The following PRSS8 variants were observed in gnomAD, a reference collection of about 807,000 sequenced individuals.
The protein encoded by PRSS8 is serine protease 8.
In PRSS8, 11 loss-of-function variants were observed where a neutral mutation model predicts 26.7. The ratio of observed to expected loss-of-function variants is 0.41; its 90% CI spans 0.26 to 0.68. The LOEUF (loss-of-function observed/expected upper bound fraction) is 0.68. Among genes scored for constraint, PRSS8 ranks in the 30% least tolerant of loss-of-function variants. PRSS8 has a pLI of 0.30. For synonymous variants in PRSS8, 183 were observed against 187.0 expected (o/e 0.98, Z 0.17); for missense variants, 362 against 443.5 (o/e 0.82, Z 1.65).
chr16:31,135,317 G>A, intron 1 of PRSS8, 97 bp downstream of exon 1: 3 of 1,576,504 alleles, frequency 1.9e-6, no homozygotes, highest in Non-Finnish European at 2.6e-6. Context: ...GAGGCCGGGG[G>A]TTTTCTTGGG....
In PRSS8 at chr16:31,133,393, C is replaced by G; in HGVS notation, c.104-5G>C. On this transcript the variant is annotated splice_region_variant and splice_polypyrimidine_tract_variant and intron_variant, in intron 2 of 5. Transcript: ENST00000317508. This position sits in a 1 kb window ranked among gnomAD's most constrained non-coding sequence, Gnocchi z 4.7. ...GGGGGGCCACACCGCAGGGAGCTGC[C>G]CAGGGAGGAAGGGAAGGGGTCAGGT... 1 of 1,613,604 alleles carries G rather than the reference C, an allele frequency of 6.2e-7. No homozygotes were observed. Among genetic ancestry groups the G allele is most frequent in the Non-Finnish European group, 8.5e-7 (1 of 1,179,856 alleles).
In PRSS8 at chr16:31,133,396, G is replaced by C; in HGVS notation, c.104-8C>G. On this transcript the variant is annotated splice_region_variant and splice_polypyrimidine_tract_variant and intron_variant, in intron 2 of 5. Coordinates refer to ENST00000317508, the MANE Select transcript of PRSS8 (RefSeq NM_002773.5). The surrounding 1 kb of genome is among the most constrained non-coding windows in gnomAD (Gnocchi z 4.7). ...GGGCCACACCGCAGGGAGCTGCCCAGGGAGGAAGGGAAGGGGTCAGGTTGT... is the reference window on the plus strand; with the variant it reads ...GGGCCACACCGCAGGGAGCTGCCCACGGAGGAAGGGAAGGGGTCAGGTTGT... 6.8e-6 allele frequency: 11 copies of C among 1,613,460 alleles called. No individual in the cohort carries two copies. Among genetic ancestry groups the C allele is most frequent in the Non-Finnish European group, 9.3e-6 (11 of 1,179,830 alleles).
rs1401274656 is a variant in PRSS8 at position 31,132,662 on chromosome 16, C to T, written c.538+20G>A. The T allele has an allele frequency of 3.7e-6, 6 of 1,613,454 alleles. No individual in the cohort carries two copies. The highest frequency in any genetic ancestry group is 1.3e-5 in the African/African-American group (1 of 74,924). On this transcript the variant is annotated intron_variant, in intron 4 of 5. Coordinates refer to ENST00000317508, the MANE Select transcript of PRSS8 (RefSeq NM_002773.5). The surrounding 1 kb of genome is among the most constrained non-coding windows in gnomAD (Gnocchi z 5.2). ...TCAGGTGCCCCTCCACACCTCTAGG[C>T]ACCCAGCGTCCCACCTCACCTGAGG...
chr16:31,131,930 C>T lies in PRSS8; in HGVS notation c.*79G>A, dbSNP rs2057582147. On this transcript the variant is annotated 3_prime_UTR_variant, in exon 6 of 6. Coordinates refer to ENST00000317508, the MANE Select transcript of PRSS8 (RefSeq NM_002773.5). ...AAGGAAGGAGTGGCTCAAGTCAGGCCCTGGGTCCAAAGGCCATCAGGGAAG... is the reference window on the plus strand; with the variant it reads ...AAGGAAGGAGTGGCTCAAGTCAGGCTCTGGGTCCAAAGGCCATCAGGGAAG... 7.0e-7 allele frequency: 1 copy of T among 1,421,138 alleles called. No individual in the cohort carries two copies. 88.0% of individuals were successfully genotyped at this position (1,421,138 alleles called of 1,614,324 possible).
In PRSS8 at chr16:31,132,992, C is replaced by G. The variant is rs2057589420; in HGVS notation, c.267-39G>C. 1.3e-6 allele frequency: 2 copies of G among 1,586,258 alleles called. No individual in the cohort carries two copies. The highest frequency in any genetic ancestry group is 8.6e-7 in the Non-Finnish European group (1 of 1,166,664). ...GCAAAGGCTGAGACCCAGGAGACCT[C>G]TCCTTGTTCCCCAACCCCCACTGCC... On this transcript the variant is annotated intron_variant, in intron 3 of 5. Coordinates refer to ENST00000317508, the MANE Select transcript of PRSS8 (RefSeq NM_002773.5). This position sits in a 1 kb window ranked among gnomAD's most constrained non-coding sequence, Gnocchi z 5.2.
At position 31,133,107 on chromosome 16, in the gene PRSS8, TG is replaced by T; in HGVS notation, c.266+118del. On this transcript the variant is annotated intron_variant, in intron 3 of 5. Coordinates refer to ENST00000317508, the MANE Select transcript of PRSS8 (RefSeq NM_002773.5). This position sits in a 1 kb window ranked among gnomAD's most constrained non-coding sequence, Gnocchi z 4.7. ...CTGACCCCTCACCTTCACTCCTAAC[TG>T]GTCCTTCCAGACTTAGAACTGACAC... 6.3e-7 allele frequency: 1 copy of T among 1,577,494 alleles called. No individual in the cohort carries two copies. The highest frequency in any genetic ancestry group is 8.6e-7 in the Non-Finnish European group (1 of 1,157,512).
In PRSS8 at chr16:31,131,871, T is replaced by G; in HGVS notation, c.*138A>C. 1 of 994,364 alleles carries G rather than the reference T, an allele frequency of 1.0e-6. No homozygotes were observed. 61.6% of individuals were successfully genotyped at this position (994,364 alleles called of 1,614,324 possible). ...ACACCCAGAAGAATGGGCTCAAAGA[T>G]CAAGATGGGGCCCCAGCCTCCCGCA... On this transcript the variant is annotated 3_prime_UTR_variant, in exon 6 of 6. Coordinates refer to ENST00000317508, the MANE Select transcript of PRSS8 (RefSeq NM_002773.5).
Position 31,132,183 on chromosome 16 carries a change from T to C in PRSS8, c.858A>G (p.Thr286=). 2 of 1,613,932 alleles carry C rather than the reference T, an allele frequency of 1.2e-6. No individual in the cohort carries two copies. The highest frequency in any genetic ancestry group is 1.7e-6 in the Non-Finnish European group (2 of 1,179,858). ...GGGGCACCACACGAGGCTGGAGTTC[T>C]GTCACCTTGCTTTGGATCCAGGAGG... ...SYASWIQSKV[T]ELQPRVVPQT... Residue 286 remains threonine, a synonymous_variant, in exon 6 of 6, where the codon ACA becomes ACG. Coordinates refer to ENST00000317508, the MANE Select transcript of PRSS8 (RefSeq NM_002773.5). The surrounding 1 kb of genome is among the most constrained non-coding windows in gnomAD (Gnocchi z 5.2).
Position 31,133,145 on chromosome 16 carries a change from A to G in PRSS8, c.266+81T>C. 1 of 1,603,278 alleles carries G rather than the reference A, an allele frequency of 6.2e-7. No homozygotes were observed. Among genetic ancestry groups the G allele is most frequent in the Non-Finnish European group, 8.5e-7 (1 of 1,175,782 alleles). ...CTTAGAACTGACACTCTCAGACCCAACCCAAGAACCCCAACCTCTGACCTG... is the reference window on the plus strand; with the variant it reads ...CTTAGAACTGACACTCTCAGACCCAGCCCAAGAACCCCAACCTCTGACCTG... On this transcript the variant is annotated intron_variant, in intron 3 of 5. Transcript: ENST00000317508. This position sits in a 1 kb window ranked among gnomAD's most constrained non-coding sequence, Gnocchi z 4.7.
Position 31,133,261 on chromosome 16 carries a change from C to T in PRSS8, c.231G>A (p.Glu77=), listed in dbSNP as rs368896840. 11 of 1,613,868 alleles carry T rather than the reference C, an allele frequency of 6.8e-6. No homozygotes were observed. The highest frequency in any genetic ancestry group is 9.3e-6 in the Non-Finnish European group (11 of 1,179,908). The change falls in exon 3 of 6, where the codon GAG becomes GAA. Residue 77 remains glutamate (E), a synonymous_variant. Transcript: ENST00000317508. This position sits in a 1 kb window ranked among gnomAD's most constrained non-coding sequence, Gnocchi z 4.7. ...AGTGAGCAGCTGACAGCACCCACTG[C>T]TCAGACACGAGAGAGCCACCACACA... ...VHVCGGSLVS[E]QWVLSAAHCF... is the part of the protein sequence containing the mutation.
chr16:31,131,550 C>G lies in PRSS8; in HGVS notation c.*459G>C. ...GTCCAGGAGTCAGGGCTCGGGGGCG[C>G]TCAGCGGCCAGTGGGCAAGATTGGG... On this transcript the variant is annotated 3_prime_UTR_variant, in exon 6 of 6. Transcript: ENST00000317508. The G allele has an allele frequency of 1.9e-6, 1 of 526,140 alleles. No homozygotes were observed. Among genetic ancestry groups the G allele is most frequent in the Non-Finnish European group, 3.4e-6 (1 of 297,506 alleles). The allele number at this position is 526,140 out of a possible 1,614,324, so 32.6% of individuals were successfully genotyped here. A position where few individuals can be genotyped will look rare whatever the true frequency, so the allele number is the denominator to read the frequency against.
Position 31,132,916 on chromosome 16 carries a change from C to T in PRSS8, c.304G>A (p.Ala102Thr). ...TCGGAGTAGGAGTCTAGCTGGTGGG[C>T]CCCCAGCTTGACCTCATAGGCTTCC... ...HKEAYEVKLG[A>T]HQLDSYSEDA... The change falls in exon 4 of 6, where the codon GCC becomes ACC. Residue 102 changes from alanine to threonine, a missense_variant. Coordinates refer to ENST00000317508, the MANE Select transcript of PRSS8 (RefSeq NM_002773.5). This position sits in a 1 kb window ranked among gnomAD's most constrained non-coding sequence, Gnocchi z 5.2. The T allele has an allele frequency of 6.2e-7, 1 of 1,612,792 alleles. No individual in the cohort carries two copies. Among genetic ancestry groups the T allele is most frequent in the Non-Finnish European group, 8.5e-7 (1 of 1,179,298 alleles).
At position 31,131,496 on chromosome 16, in the gene PRSS8, C is replaced by G; in HGVS notation, c.*513G>C. 1 of 589,180 alleles carries G rather than the reference C, an allele frequency of 1.7e-6. No homozygotes were observed. Among genetic ancestry groups the G allele is most frequent in the South Asian group, 2.2e-5 (1 of 45,668 alleles). 36.5% of individuals were successfully genotyped at this position (589,180 alleles called of 1,614,324 possible). On this transcript the variant is annotated 3_prime_UTR_variant, in exon 6 of 6. Coordinates refer to ENST00000317508, the MANE Select transcript of PRSS8 (RefSeq NM_002773.5). ...CCCACCCCAGATCCAAGCGCCAGCC[C>G]AGTTCCGGTGGGGGCTCAGTCCTCC...
rs766155514 is a variant in PRSS8, at chr16:31,133,414, C to G, written c.104-26G>C. The G allele has an allele frequency of 6.2e-7, 1 of 1,611,998 alleles. No homozygotes were observed. Among genetic ancestry groups the G allele is most frequent in the African/African-American group, 1.3e-5 (1 of 75,008 alleles). ...CTGCCCAGGGAGGAAGGGAAGGGGT[C>G]AGGTTGTTAGCCTGGCCACTCCTAT... On this transcript the variant is annotated intron_variant, in intron 2 of 5. Coordinates refer to ENST00000317508, the MANE Select transcript of PRSS8 (RefSeq NM_002773.5). This position sits in a 1 kb window ranked among gnomAD's most constrained non-coding sequence, Gnocchi z 4.7.
Position 31,132,778 on chromosome 16 carries a change from G to T in PRSS8, c.442C>A (p.Arg148Ser), listed in dbSNP as rs1405761409. 6.8e-6 allele frequency: 11 copies of T among 1,613,994 alleles called. No homozygotes were observed. The highest frequency in any genetic ancestry group is 8.5e-6 in the Non-Finnish European group (10 of 1,179,888). Residue 148 changes from arginine (R) to serine (S), a missense_variant, in exon 4 of 6, where the codon CGC (arginine) becomes AGC (serine). Arg to Ser is a moderately radical substitution (Grantham distance 110). Coordinates refer to ENST00000317508, the MANE Select transcript of PRSS8 (RefSeq NM_002773.5). This position sits in a 1 kb window ranked among gnomAD's most constrained non-coding sequence, Gnocchi z 5.2. ...GGGAGGCAGATGGGCCGGATGTAGCGGGAGAAGGTGATGGGTCTGCTGAGT... is the reference window on the plus strand; with the variant it reads ...GGGAGGCAGATGGGCCGGATGTAGCTGGAGAAGGTGATGGGTCTGCTGAGT... The part of the protein sequence containing the change: ...LQLSRPITFS[R>S]YIRPICLPAA...
At chr16:31,135,075 C>T in intron 2 of PRSS8, 79 bp downstream of exon 2, 1 of 1,532,324 alleles carries the variant, frequency 6.5e-7, no homozygotes, top group South Asian at 1.2e-5. Context: ...AGCTGAAGGC[C>T]AGGCACTGGT....
rs995194749 is a variant in PRSS8 at position 31,135,539 on chromosome 16, A to C, written c.-41T>G. 6.8e-7 allele frequency: 1 copy of C among 1,473,554 alleles called. No homozygotes were observed. Among genetic ancestry groups the C allele is most frequent in the South Asian group, 1.3e-5 (1 of 75,966 alleles). The allele number at this position is 1,473,554 out of a possible 1,614,324, so 91.3% of individuals were successfully genotyped here. A position where few individuals can be genotyped will look rare whatever the true frequency, so the allele number is the denominator to read the frequency against. On this transcript the variant is annotated 5_prime_UTR_variant, in exon 1 of 6. Transcript: ENST00000317508. ...CCCCTGGGGCAGACTCCAGGCACGC[A>C]AGGTAGGAAGCCTTGGGGTGGTGTC... is the stretch of plus-strand genomic sequence containing the variant.
rs774543127 is a variant in PRSS8 at position 31,132,995 on chromosome 16, C to T, written c.267-42G>A. 1.3e-6 allele frequency: 2 copies of T among 1,585,782 alleles called. No individual in the cohort carries two copies. Among genetic ancestry groups the T allele is most frequent in the South Asian group, 2.3e-5 (2 of 87,194 alleles). ...AAGGCTGAGACCCAGGAGACCTCTC[C>T]TTGTTCCCCAACCCCCACTGCCAAC... On this transcript the variant is annotated intron_variant, in intron 3 of 5. Transcript: ENST00000317508. The surrounding 1 kb of genome is among the most constrained non-coding windows in gnomAD (Gnocchi z 5.2).
At chr16:31,134,694 AAAAC>A (rs1422496260) in intron 2 of PRSS8, 6 of 172,264 alleles carry the variant, frequency 3.5e-5, no homozygotes, top group South Asian at 2.5e-4. Flanking sequence ...AACAAAAACA[AAAAC>A]AAAACACAAC....
Sources: allele counts gnomAD v4.1 joint callset, GRCh38; gene constraint gnomAD v4.1.1; non-coding constraint Gnocchi (gnomAD v3.1); transcripts MANE v1.5; gene names NCBI Gene and HGNC (gene_info 2026-07-23, HGNC 2026-07-21).